ITFG1: variants seen among roughly 807,000 people sequenced by gnomAD.
ITFG1 encodes the protein T-cell immunomodulatory protein.
In ITFG1, 34 loss-of-function variants were observed where a neutral mutation model predicts 81.8. The ratio of observed to expected loss-of-function variants is 0.42; its 90% CI spans 0.32 to 0.55. The LOEUF (loss-of-function observed/expected upper bound fraction) is 0.55. Ranked by LOEUF, ITFG1 falls within the 20% of genes least tolerant of loss-of-function variation. ITFG1 has a pLI of 0.17. For synonymous variants in ITFG1, 285 were observed against 270.6 expected (o/e 1.05, Z -0.52); for missense variants, 672 against 755.4 (o/e 0.89, Z 1.29).
rs148994380 is a variant in ITFG1 at position 47,433,491 on chromosome 16, A to G, written c.561-4593T>C. Reference sequence around the variant, plus strand: ...ACTCTGGTTTCCTTCCTGGCGCCTAACAAATATGAATTTGCCACTCCTAAC... The same window carrying G: ...ACTCTGGTTTCCTTCCTGGCGCCTAGCAAATATGAATTTGCCACTCCTAAC... On this transcript the variant is annotated intron_variant, in intron 5 of 17. Transcript: ENST00000320640. Among the ~76,000 whole-genome samples, 534 of 152,256 alleles carry G rather than the reference A, an allele frequency of 3.5e-3. 4 individuals are homozygous for G. The highest frequency in any genetic ancestry group is 0.012 in the African/African-American group (518 of 41,564).
chr16:47,158,517 C>G (rs1297241953), intron 17 of ITFG1, among the ~76,000 whole-genome samples: 1 of 152,198 alleles, frequency 6.6e-6, no homozygotes, highest in Non-Finnish European at 1.5e-5. Flanking sequence ...ATGGCTTTAT[C>G]AGTACATACT....
intron 8 of ITFG1, among the ~76,000 whole-genome samples, chr16:47,360,004 C>G (rs947105795): frequency 6.6e-6 from 1 of 152,200 alleles, no homozygotes; most frequent in Non-Finnish European, 1.5e-5. Flanking sequence ...ATATAATACA[C>G]AGCCAGTCCA....
chr16:47,409,856 A>C, intron 6 of ITFG1, among the ~76,000 whole-genome samples: 1 of 152,202 alleles, frequency 6.6e-6, no homozygotes, highest in Non-Finnish European at 1.5e-5. Context: ...AGCCAAAAAA[A>C]ACCTGTTATG....
chr16:47,340,738 T>A (rs1431353675), intron 8 of ITFG1, among the ~76,000 whole-genome samples: 1 of 152,020 alleles, frequency 6.6e-6, no homozygotes, highest in Non-Finnish European at 1.5e-5. Flanking sequence ...AGAATGAATT[T>A]TAAAAAAACA....
intron 12 of ITFG1, among the ~76,000 whole-genome samples, chr16:47,254,127 T>C (rs567432528): frequency 2.0e-5 from 3 of 151,892 alleles, no homozygotes; most frequent in Non-Finnish European, 2.9e-5. Flanking sequence ...TCTCCTTTAG[T>C]ACAAAGCATT....
At chr16:47,452,193 G>C (rs113118978) in intron 4 of ITFG1, among the ~76,000 whole-genome samples, 64 of 152,286 alleles carry the variant, frequency 4.2e-4, no homozygotes, top group African/African-American at 1.4e-3. Context: ...CTGGAAACAA[G>C]AATGTGGCCA....
intron 6 of ITFG1, among the ~76,000 whole-genome samples, chr16:47,394,111 T>C (rs1005589707): frequency 1.3e-5 from 2 of 152,184 alleles, no homozygotes; most frequent in Admixed American, 1.3e-4. Context: ...TTAGTACAGA[T>C]TCTACATGTT....
At chr16:47,443,236 A>C (rs1165869558) in intron 5 of ITFG1, among the ~76,000 whole-genome samples, 1 of 152,220 alleles carries the variant, frequency 6.6e-6, no homozygotes, top group Non-Finnish European at 1.5e-5. Flanking sequence ...ATCATTAAAA[A>C]GTCAGGAAAC....
intron 2 of ITFG1, among the ~76,000 whole-genome samples, chr16:47,458,027 A>C (rs762657840): frequency 1.3e-5 from 2 of 152,252 alleles, no homozygotes; most frequent in Non-Finnish European, 2.9e-5. Context: ...ATCAGCCCAC[A>C]CAGGGACTTT....
intron 6 of ITFG1, among the ~76,000 whole-genome samples, chr16:47,421,973 C>A (rs1056712298): frequency 6.6e-6 from 1 of 152,172 alleles, no homozygotes; most frequent in African/African-American, 2.4e-5. Context: ...ATGATGATTT[C>A]CAGCTTCATC....
At chr16:47,319,789 G>C (rs1024424708) in intron 8 of ITFG1, among the ~76,000 whole-genome samples, 1 of 152,160 alleles carries the variant, frequency 6.6e-6, no homozygotes, top group African/African-American at 2.4e-5. Context: ...ATCCACCATT[G>C]CTTTGCTTTG....
At chr16:47,257,782 G>A (rs1966157310) in intron 12 of ITFG1, among the ~76,000 whole-genome samples, 1 of 152,166 alleles carries the variant, frequency 6.6e-6, no homozygotes, top group Non-Finnish European at 1.5e-5. Context: ...TGACAACCCA[G>A]TAGCAACGAG....
intron 7 of ITFG1, among the ~76,000 whole-genome samples, chr16:47,372,313 T>G (rs1166817558): frequency 6.6e-6 from 1 of 152,140 alleles, no homozygotes; most frequent in African/African-American, 2.4e-5. Context: ...GGTGCAATCA[T>G]AGCTCACTGC....
chr16:47,188,348 G>A (rs1965250611), intron 14 of ITFG1, among the ~76,000 whole-genome samples: 1 of 152,040 alleles, frequency 6.6e-6, no homozygotes, highest in Middle Eastern at 3.4e-3. Flanking sequence ...CTATAGCAAA[G>A]ACTTGGAACC....
At chr16:47,298,803 T>A (rs1170743525) in intron 10 of ITFG1, among the ~76,000 whole-genome samples, 1 of 152,172 alleles carries the variant, frequency 6.6e-6, no homozygotes, top group African/African-American at 2.4e-5. Context: ...TACATGCCAG[T>A]TAGAGCAGGC....
At chr16:47,189,717 AGGAGTG>A (rs1965269441) in intron 14 of ITFG1, among the ~76,000 whole-genome samples, 1 of 152,170 alleles carries the variant, frequency 6.6e-6, no homozygotes, top group Non-Finnish European at 1.5e-5. Context: ...GAATATACCT[AGGAGTG>A]GAATTTTGAG....
At chr16:47,311,050 A>C (rs1967250927) in intron 10 of ITFG1, among the ~76,000 whole-genome samples, 190 bp downstream of exon 10, 1 of 150,106 alleles carries the variant, frequency 6.7e-6, no homozygotes, top group African/African-American at 2.4e-5. Context: ...GAATCTGTGA[A>C]AAAAAAAAAA....
intron 6 of ITFG1, among the ~76,000 whole-genome samples, chr16:47,377,525 C>T (rs938171074): frequency 2.6e-5 from 4 of 152,110 alleles, no homozygotes; most frequent in Non-Finnish European, 2.9e-5. Flanking sequence ...GCAAAGTAGT[C>T]GCCAGATTTT....
intron 14 of ITFG1, among the ~76,000 whole-genome samples, chr16:47,206,402 T>C (rs1031658397): frequency 2.0e-5 from 3 of 152,182 alleles, no homozygotes; most frequent in African/African-American, 7.2e-5. Context: ...AAAATGTACC[T>C]TTAATGTATA....
Sources: allele counts gnomAD v4.1 joint callset (sites outside exome capture counted in the v4.1 genomes callset), GRCh38; gene constraint gnomAD v4.1.1; transcripts MANE v1.5; gene names NCBI Gene and HGNC (gene_info 2026-07-23, HGNC 2026-07-21).